Variants in ATP9B observed in about 807,000 individuals in gnomAD.
ATP9B encodes the protein probable phospholipid-transporting ATPase IIB.
Under a neutral mutation model 146.1 loss-of-function variants are expected in ATP9B, and 110 were observed. The observed-to-expected ratio is 0.75, with a 90% CI of 0.65 to 0.88. ATP9B has a LOEUF of 0.88. Among genes scored for constraint, ATP9B ranks in the 40% least tolerant of loss-of-function variants. ATP9B has a pLI of 0.00. For missense variants in ATP9B, 1,499 were observed against 1,496.4 expected, an observed-to-expected ratio of 1.00 and a Z score of -0.03; for synonymous variants, 604 against 569.7, an observed-to-expected ratio of 1.06 and a Z score of -0.86.
Position 79,344,338 on chromosome 18 carries a change from C to G in ATP9B, c.2456C>G (p.Ser819Cys). ...AAGCATGATTGTGCACTAGTCATAT[C>G]TGGGGACTCTCTGGAGGTAAGGCTG... ...RRKHDCALVI[S>C]GDSLEVCLKY... Residue 819 changes from serine to cysteine, a missense_variant, in exon 21 of 30, where the codon TCT becomes TGT. Coordinates refer to ENST00000426216, the MANE Select transcript of ATP9B (RefSeq NM_198531.5). 1 of 1,614,192 alleles carries G rather than the reference C, an allele frequency of 6.2e-7. No individual in the cohort carries two copies. The highest frequency in any genetic ancestry group is 8.5e-7 in the Non-Finnish European group (1 of 1,180,030).
intron 10 of ATP9B, among the ~76,000 whole-genome samples, chr18:79,210,505 G>A (rs976935130): frequency 1.9e-4 from 29 of 152,338 alleles, no homozygotes; most frequent in African/African-American, 7.0e-4. Flanking sequence ...TCCTGGCTGT[G>A]TGGACTCTAG....
At chr18:79,083,442 C>T (rs915288573) in intron 1 of ATP9B, among the ~76,000 whole-genome samples, 1 of 152,156 alleles carries the variant, frequency 6.6e-6, no homozygotes, top group Admixed American at 6.5e-5. Context: ...ATTCCAGGCG[C>T]CACTGGGGTA....
chr18:79,332,104 A>G (rs1042431670), intron 17 of ATP9B, among the ~76,000 whole-genome samples: 2 of 152,258 alleles, frequency 1.3e-5, no homozygotes, highest in African/African-American at 4.8e-5. Flanking sequence ...CATTGTTACA[A>G]GAAAGTAACT....
chr18:79,260,838 C>G (rs1364881767), intron 12 of ATP9B, among the ~76,000 whole-genome samples: 1 of 152,256 alleles, frequency 6.6e-6, no homozygotes. Context: ...CTATTATTCT[C>G]AGCTCTCGAA....
chr18:79,137,772 A>T (rs866079922), intron 5 of ATP9B, among the ~76,000 whole-genome samples: 4 of 152,016 alleles, frequency 2.6e-5, no homozygotes, highest in Non-Finnish European at 5.9e-5. Flanking sequence ...CTCCTTTTCT[A>T]GGCGTCCTCT....
intron 6 of ATP9B, among the ~76,000 whole-genome samples, chr18:79,149,295 T>A (rs944770469): frequency 6.6e-6 from 1 of 152,258 alleles, no homozygotes; most frequent in Middle Eastern, 3.4e-3. Flanking sequence ...TTAGTCAACA[T>A]AGTGTGGAAG....
Position 79,088,412 on chromosome 18 carries a change from G to A in ATP9B, c.120-8064G>A, listed in dbSNP as rs549271017. ...AAAAGAAGTGATCTCATACAGAGAAGAAAAAAATGACATTTTAAGGGAAAA... is the reference window on the plus strand; with the variant it reads ...AAAAGAAGTGATCTCATACAGAGAAAAAAAAAATGACATTTTAAGGGAAAA... On this transcript the variant is annotated intron_variant, in intron 1 of 29. Transcript: ENST00000426216. Among the ~76,000 whole-genome samples, 305 of 152,178 alleles carry A rather than the reference G, an allele frequency of 2.0e-3. 2 individuals carry two copies. Among genetic ancestry groups the A allele is most frequent in the Admixed American group, 0.018 (276 of 15,292 alleles).
intron 15 of ATP9B, among the ~76,000 whole-genome samples, chr18:79,311,248 T>C (rs1462919732): frequency 6.6e-6 from 1 of 152,246 alleles, no homozygotes; most frequent in East Asian, 1.9e-4. Context: ...CTGTATTTTA[T>C]ATATCTTTCC....
chr18:79,345,457 T>C lies in ATP9B; in HGVS notation c.2502T>C (p.Phe834=). Residue 834 remains phenylalanine, a synonymous_variant, in exon 22 of 30, where the codon TTT becomes TTC. Coordinates refer to ENST00000426216, the MANE Select transcript of ATP9B (RefSeq NM_198531.5). ...EVCLKYYEHE[F]VELACQCPAV... ...GTCTAAAGTACTACGAGCATGAATT[T>C]GTGGAGCTGGCCTGCCAGTGCCCTG... is the stretch of plus-strand genomic sequence containing the variant. 1 of 1,614,046 alleles carries C rather than the reference T, an allele frequency of 6.2e-7. No individual in the cohort carries two copies. The highest frequency in any genetic ancestry group is 1.1e-5 in the South Asian group (1 of 91,086).
At chr18:79,334,963 C>T (rs537394003) in intron 17 of ATP9B, among the ~76,000 whole-genome samples, 384 of 152,340 alleles carry the variant, frequency 2.5e-3, no homozygotes, top group African/African-American at 9.0e-3. Context: ...TCTTCACCTG[C>T]CTTGCAGGAA....
chr18:79,365,336 C>T (rs142740988), intron 26 of ATP9B, among the ~76,000 whole-genome samples: 16 of 152,174 alleles, frequency 1.1e-4, no homozygotes, highest in African/African-American at 1.7e-4. Flanking sequence ...CTAGAACAGC[C>T]GAAATACCAG....
At chr18:79,079,237 A>C (rs770175820) in intron 1 of ATP9B, among the ~76,000 whole-genome samples, 3 of 152,218 alleles carry the variant, frequency 2.0e-5, no homozygotes, top group Non-Finnish European at 2.9e-5. Context: ...GAATTGCTAC[A>C]CTGTCTTCCA....
At chr18:79,169,973 C>T (rs972332200) in intron 7 of ATP9B, among the ~76,000 whole-genome samples, 1 of 152,214 alleles carries the variant, frequency 6.6e-6, no homozygotes, top group East Asian at 1.9e-4. Flanking sequence ...TTACGACTCC[C>T]CAATACTTAA....
At chr18:79,113,403 A>G (rs1568202541) in intron 4 of ATP9B, 49 bp downstream of exon 4, 2 of 1,189,278 alleles carry the variant, frequency 1.7e-6, no homozygotes, top group Non-Finnish European at 2.4e-6. Context: ...TATTTAGAAT[A>G]TAGTTTTAAG....
chr18:79,315,029 T>C (rs1006544853), intron 15 of ATP9B, among the ~76,000 whole-genome samples: 2 of 152,228 alleles, frequency 1.3e-5, no homozygotes, highest in African/African-American at 2.4e-5. Flanking sequence ...ACTAGCTGTT[T>C]AGTAGTCTCA....
chr18:79,242,131 G>A (rs1418746950), intron 11 of ATP9B, among the ~76,000 whole-genome samples: 4 of 152,174 alleles, frequency 2.6e-5, no homozygotes, highest in Admixed American at 1.3e-4. Context: ...TTATTAATTC[G>A]CTAAATCCAA....
At chr18:79,324,966 C>T (rs2096736140) in intron 15 of ATP9B, among the ~76,000 whole-genome samples, 1 of 152,184 alleles carries the variant, frequency 6.6e-6, no homozygotes. Context: ...TGTTCAGCAG[C>T]TGGGGCTGTG....
At chr18:79,072,971 C>T (rs576962570) in intron 1 of ATP9B, among the ~76,000 whole-genome samples, 33 of 151,624 alleles carry the variant, frequency 2.2e-4, no homozygotes, top group Admixed American at 1.5e-3. Context: ...CGGGCAGAGA[C>T]GCTCCTCACT....
chr18:79,375,471 AAAC>A, intron 29 of ATP9B, 45 bp downstream of exon 29: 3 of 1,592,912 alleles, frequency 1.9e-6, no homozygotes, highest in Non-Finnish European at 2.6e-6. Context: ...AAATTTAGCC[AAAC>A]AATATTGATA....
Sources: gnomAD v4.1 joint callset for allele counts (sites outside exome capture counted in the v4.1 genomes callset) on GRCh38, gnomAD v4.1.1 for gene constraint, MANE v1.5 for transcripts, NCBI Gene and HGNC (gene_info 2026-07-23, HGNC 2026-07-21) for gene names.